Variants in COL12A1 observed in about 807,000 individuals in gnomAD.
COL12A1 encodes the protein collagen alpha-1(XII) chain.
A neutral mutation model predicts 349.7 loss-of-function variants in COL12A1; 114 were observed. The ratio of observed to expected loss-of-function variants is 0.33; its 90% confidence interval spans 0.28 to 0.38. COL12A1 has a LOEUF of 0.38. Among genes scored for constraint, COL12A1 ranks in the 10% least tolerant of loss-of-function variants. The pLI is 1.00. For synonymous variants in COL12A1, 1,369 were observed against 1,329.0 expected (o/e 1.03, Z -0.66); for missense variants, 3,284 against 3,756.9 (o/e 0.87, Z 3.29).
chr6:75,106,231 A>G (rs890555018), intron 53 of COL12A1, among the ~76,000 whole-genome samples, 188 bp downstream of exon 53: 1 of 152,182 alleles, frequency 6.6e-6, no homozygotes, highest in Non-Finnish European at 1.5e-5. Context: ...GTGTATTACC[A>G]GCTTGTGAGG....
chr6:75,156,230 C>T, intron 15 of COL12A1, 27 bp downstream of exon 15: 1 of 1,610,100 alleles, frequency 6.2e-7, no homozygotes, highest in Non-Finnish European at 8.5e-7. Flanking sequence ...CTTCTCTCCC[C>T]CTCAAAATAT....
intron 12 of COL12A1, among the ~76,000 whole-genome samples, chr6:75,177,386 G>A (rs1177573118): frequency 1.3e-5 from 2 of 151,994 alleles, no homozygotes; most frequent in Admixed American, 6.6e-5. Context: ...GCAGTGAGCC[G>A]AGCCACTGCA....
chr6:75,168,945 A>G (rs1330472803), intron 13 of COL12A1, among the ~76,000 whole-genome samples: 1 of 152,182 alleles, frequency 6.6e-6, no homozygotes, highest in East Asian at 1.9e-4. Flanking sequence ...TGTACAGAAA[A>G]TCACTGCTTT....
chr6:75,092,757 C>T (rs1489454668), intron 60 of COL12A1, among the ~76,000 whole-genome samples: 1 of 151,142 alleles, frequency 6.6e-6, no homozygotes, highest in East Asian at 1.9e-4. Context: ...TCATGTAACT[C>T]CTTTGGCTCT....
At position 75,086,409 on chromosome 6, in the gene COL12A1, CG is replaced by C. The variant is rs1354209497; in HGVS notation, c.*137del. ...GAGTCTCCACCCTCCTTTGTGATGT[CG>C]ACCCGGTTCGTTAACCATTATCTGT... On this transcript the variant is annotated 3_prime_UTR_variant, in exon 66 of 66. Transcript: ENST00000322507. 2.9e-5 allele frequency: 17 copies of C among 596,444 alleles called. No individual in the cohort carries two copies. In the Admixed American group the frequency reaches 3.3e-4, roughly 12 times the overall value. The allele number at this position is 596,444 out of a possible 1,614,324, so 36.9% of individuals were successfully genotyped here.
rs775157077 is a variant in COL12A1, at chr6:75,183,916, C to T, written c.1226G>A (p.Gly409Glu). 5 of 1,614,026 alleles carry T rather than the reference C, an allele frequency of 3.1e-6. No homozygotes were observed. In the South Asian group the frequency reaches 3.3e-5, roughly 11 times the overall value. The change falls in exon 9 of 66, where the codon GGA becomes GAA. Residue 409 changes from glycine (G) to glutamate (E), a missense_variant. By Grantham distance (98) the Gly-to-Glu change is moderately conservative (BLOSUM62 -2). This residue lies in a region of COL12A1 where 2,601 missense variants were observed against 2,824.8 expected (regional missense o/e 0.92). Coordinates refer to ENST00000322507, the MANE Select transcript of COL12A1 (RefSeq NM_004370.6). ...EYQISVSAMKGMTSSEPISIM... is the reference protein window; with the variant it reads ...EYQISVSAMKEMTSSEPISIM... ...TGAAATGGGTTCACTGGATGTCATT[C>T]CCTTCATGGCGGAAACACTGATCTG...
intron 32 of COL12A1, 47 bp from the exon 33 acceptor site, chr6:75,134,044 C>T (rs765034511): frequency 1.3e-6 from 2 of 1,580,086 alleles, no homozygotes; most frequent in Non-Finnish European, 1.7e-6. Context: ...AACAATCAAG[C>T]ACACATGAAA....
intron 37 of COL12A1, among the ~76,000 whole-genome samples, chr6:75,129,887 A>G (rs1162772898): frequency 6.6e-6 from 1 of 152,170 alleles, no homozygotes; most frequent in African/African-American, 2.4e-5. Context: ...AAATGAGCCC[A>G]AAGACATTGC....
Position 75,131,930 on chromosome 6 carries a change from A to T in COL12A1, c.5937+10T>A. On this transcript the variant is annotated intron_variant, in intron 35 of 65. Transcript: ENST00000322507. ...CCAGGAAATGCAGTTTCCATGACAA[A>T]ATTACTTACAGATTCTGAGGGTCTT... The T allele has an allele frequency of 6.2e-7, 1 of 1,613,018 alleles. No individual in the cohort carries two copies. Among genetic ancestry groups the T allele is most frequent in the Non-Finnish European group, 8.5e-7 (1 of 1,179,402 alleles).
chr6:75,158,020 A>G (rs1474887845), intron 14 of COL12A1, among the ~76,000 whole-genome samples: 2 of 152,126 alleles, frequency 1.3e-5, no homozygotes, highest in Non-Finnish European at 2.9e-5. Flanking sequence ...ATAAAACTTA[A>G]GAGTATTTAT....
chr6:75,112,510 T>A (rs1352989098), intron 51 of COL12A1, among the ~76,000 whole-genome samples: 1 of 151,310 alleles, frequency 6.6e-6, no homozygotes, highest in Non-Finnish European at 1.5e-5. Context: ...TTTAGAAACC[T>A]GAAAAAAAAA....
chr6:75,170,976 A>G (rs1229878540), intron 13 of COL12A1, among the ~76,000 whole-genome samples: 1 of 152,254 alleles, frequency 6.6e-6, no homozygotes, highest in Admixed American at 6.5e-5. Flanking sequence ...TTCCATAGCC[A>G]AAAAACAACA....
At chr6:75,196,409 A>G (rs1770227835) in intron 2 of COL12A1, among the ~76,000 whole-genome samples, 1 of 152,248 alleles carries the variant, frequency 6.6e-6, no homozygotes, top group South Asian at 2.1e-4. Flanking sequence ...TATTAATAAT[A>G]TGTTTTAATG....
intron 17 of COL12A1, among the ~76,000 whole-genome samples, chr6:75,154,024 GC>G (rs1483219101): frequency 6.6e-6 from 1 of 151,902 alleles, no homozygotes; most frequent in Admixed American, 6.6e-5. Flanking sequence ...ATGCAATAAT[GC>G]ATAATTTTAA....
intron 14 of COL12A1, among the ~76,000 whole-genome samples, chr6:75,164,690 C>T (rs1046077862): frequency 1.3e-5 from 2 of 152,176 alleles, no homozygotes. Flanking sequence ...CAATATCCTT[C>T]ACCAAAGTGG....
intron 58 of COL12A1, among the ~76,000 whole-genome samples, chr6:75,098,054 A>C (rs1424060460): frequency 2.0e-5 from 3 of 152,258 alleles, no homozygotes; most frequent in Non-Finnish European, 2.9e-5. Flanking sequence ...ATTTTATAAA[A>C]CATTCCTTTA....
intron 44 of COL12A1, among the ~76,000 whole-genome samples, chr6:75,120,801 T>C (rs1769319746): frequency 6.6e-6 from 1 of 152,220 alleles, no homozygotes; most frequent in Non-Finnish European, 1.5e-5. Flanking sequence ...AGATAATTGG[T>C]AGTTATCCTT....
chr6:75,096,043 A>G (rs1289613261), intron 59 of COL12A1, among the ~76,000 whole-genome samples: 1 of 152,144 alleles, frequency 6.6e-6, no homozygotes, highest in Non-Finnish European at 1.5e-5. Context: ...ATTCCCTTCC[A>G]TCATGTCAGC....
intron 64 of COL12A1, among the ~76,000 whole-genome samples, chr6:75,088,343 A>G (rs1767600548): frequency 6.6e-6 from 1 of 152,182 alleles, no homozygotes; most frequent in African/African-American, 2.4e-5. Flanking sequence ...AGTGAATGAA[A>G]TTTACCAATA....
Sources: allele counts gnomAD v4.1 joint callset (sites outside exome capture counted in the v4.1 genomes callset), GRCh38; gene constraint gnomAD v4.1.1; regional missense constraint gnomAD v4.1.1; transcripts MANE v1.5; gene names NCBI Gene and HGNC (gene_info 2026-07-23, HGNC 2026-07-21).